CHMP4C: variants seen among roughly 807,000 people sequenced by gnomAD.
CHMP4C encodes SNF7 homolog associated with Alix 3.
Under a neutral mutation model 29.0 loss-of-function variants are expected in CHMP4C, and 28 were observed. The ratio of observed to expected loss-of-function variants is 0.97; its 90% CI spans 0.72 to 1.32. The LOEUF (loss-of-function observed/expected upper bound fraction) is 1.32, where lower values mean the gene tolerates loss of function less well. CHMP4C is among the 40% of genes most tolerant of loss of function. The pLI, the probability that CHMP4C is intolerant of heterozygous loss-of-function variation, is 0.00. For synonymous variants in CHMP4C, 106 were observed against 102.4 expected (o/e 1.04, Z -0.21); for missense variants, 291 against 281.0 (o/e 1.04, Z -0.25).
chr8:81,748,924 T>TTA lies in CHMP4C; in HGVS notation c.191-4140_191-4139insTA, dbSNP rs1554593109. On this transcript the variant is annotated intron_variant, in intron 1 of 4. Coordinates refer to ENST00000297265, the MANE Select transcript of CHMP4C (RefSeq NM_152284.4). ...CCTGGTGACAGAGTGAGACTCTGTG[T>TTA]AAAAAAAAAAAAAAAAAAAATGCAA... is the stretch of plus-strand genomic sequence containing the variant. 1.4e-4 allele frequency among the ~76,000 whole-genome samples: 17 copies of TTA among 120,310 alleles called. No individual in the cohort carries two copies. The Admixed American group carries it at 1.5e-3, about 10-fold the overall frequency. 78.9% of individuals were successfully genotyped at this position (120,310 alleles called of 152,430 possible). A position where few individuals can be genotyped will look rare whatever the true frequency, so the allele number is the denominator to read the frequency against.
At chr8:81,741,126 C>A (rs1250396296) in intron 1 of CHMP4C, among the ~76,000 whole-genome samples, 1 of 152,060 alleles carries the variant, frequency 6.6e-6, no homozygotes, top group African/African-American at 2.4e-5. Context: ...TCTAGAAGAG[C>A]AATTGCTACT....
At position 81,732,664 on chromosome 8, in the gene CHMP4C, C is replaced by A; in HGVS notation, c.38C>A (p.Ser13Tyr). The change falls in exon 1 of 5, where the codon TCT (serine) becomes TAT (tyrosine). Residue 13 changes from serine (S) to tyrosine (Y), a missense_variant. By Grantham distance (144) the Ser-to-Tyr change is moderately radical. Coordinates refer to ENST00000297265, the MANE Select transcript of CHMP4C (RefSeq NM_152284.4). ...KLGKFFKGGG[S>Y]SKSRAAPSPQ... ...GGCAAGTTCTTTAAAGGGGGCGGCT[C>A]TTCTAAGAGCCGAGCCGCTCCCAGT... is the stretch of plus-strand genomic sequence containing the variant. 5 of 1,566,444 alleles carry A rather than the reference C, an allele frequency of 3.2e-6. No individual in the cohort carries two copies. In the South Asian group the frequency reaches 5.9e-5, roughly 18 times the overall value.
At chr8:81,739,416 T>TGTG (rs1554592434) in intron 1 of CHMP4C, among the ~76,000 whole-genome samples, 2 of 16,142 alleles carry the variant, frequency 1.2e-4, no homozygotes, top group African/African-American at 8.8e-4. Context: ...CCTGGGGGAT[T>TGTG]GTGGGGGGGG....
At chr8:81,748,518 T>G (rs1808859028) in intron 1 of CHMP4C, among the ~76,000 whole-genome samples, 1 of 152,208 alleles carries the variant, frequency 6.6e-6, no homozygotes, top group African/African-American at 2.4e-5. Context: ...CCATAAAATC[T>G]TCACAATCCA....
Position 81,732,744 on chromosome 8 carries a change from C to T in CHMP4C, c.118C>T (p.Gln40Ter). 1 of 1,609,400 alleles carries T rather than the reference C, an allele frequency of 6.2e-7. No individual in the cohort carries two copies. The highest frequency in any genetic ancestry group is 1.3e-5 in the African/African-American group (1 of 75,012). The change falls in exon 1 of 5, where the codon CAA (glutamine) becomes TAA (stop). Residue 40 changes from glutamine (Q) to a stop codon, truncating the protein, a stop_gained. Coordinates refer to ENST00000297265, the MANE Select transcript of CHMP4C (RefSeq NM_152284.4). LOFTEE classifies it high-confidence loss of function. ...GACTGAGGAGATGCTGGGCAAGAAACAAGAGTACCTGGAAAATCGAATCCA... is the reference window on the plus strand; with the variant it reads ...GACTGAGGAGATGCTGGGCAAGAAATAAGAGTACCTGGAAAATCGAATCCA... ...RETEEMLGKK[Q>*]EYLENRIQRE...
intron 3 of CHMP4C, among the ~76,000 whole-genome samples, chr8:81,756,487 G>C (rs1441959348): frequency 1.3e-5 from 2 of 152,136 alleles, no homozygotes; most frequent in African/African-American, 2.4e-5. Context: ...GGCTTATGTG[G>C]ACATCTGGGC....
chr8:81,750,447 A>T (rs59027898), intron 1 of CHMP4C, among the ~76,000 whole-genome samples: 2,771 of 116,906 alleles, frequency 0.024, 79 homozygotes, highest in African/African-American at 0.07. Flanking sequence ...CAAAAAAATT[A>T]AAAAAAAAAA....
intron 1 of CHMP4C, among the ~76,000 whole-genome samples, chr8:81,748,885 C>G (rs111683632): frequency 0.055 from 8,224 of 149,540 alleles, 238 homozygotes; most frequent in Middle Eastern, 0.12. Context: ...CAAGATCGCG[C>G]CACTGCACTC....
At chr8:81,757,227 C>T (rs1808983408) in intron 3 of CHMP4C, among the ~76,000 whole-genome samples, 1 of 152,052 alleles carries the variant, frequency 6.6e-6, no homozygotes, top group Non-Finnish European at 1.5e-5. Context: ...CAAAATCTGC[C>T]CAGGAGTGAG....
chr8:81,739,521 T>G (rs1808737754), intron 1 of CHMP4C, among the ~76,000 whole-genome samples: 5 of 151,100 alleles, frequency 3.3e-5, no homozygotes, highest in Admixed American at 3.3e-4. Flanking sequence ...CTGGAAAAGA[T>G]AGATCAATGG....
At chr8:81,756,333 G>C (rs1208003711) in intron 3 of CHMP4C, among the ~76,000 whole-genome samples, 2 of 152,118 alleles carry the variant, frequency 1.3e-5, no homozygotes, top group Non-Finnish European at 2.9e-5. Flanking sequence ...TAACAACAAA[G>C]GAGACTATGG....
chr8:81,754,731 A>T (rs1808949048), intron 2 of CHMP4C, among the ~76,000 whole-genome samples: 1 of 152,134 alleles, frequency 6.6e-6, no homozygotes, highest in African/African-American at 2.4e-5. Flanking sequence ...GTGTTGGAAA[A>T]TGTCTTCAAA....
chr8:81,755,582 A>C, intron 3 of CHMP4C, 98 bp downstream of exon 3: 2 of 614,064 alleles, frequency 3.3e-6, no homozygotes, highest in South Asian at 2.5e-5. Context: ...CTGAAAGAAC[A>C]AGTGATATTT....
chr8:81,741,959 T>C (rs1450007662), intron 1 of CHMP4C, among the ~76,000 whole-genome samples: 1 of 152,192 alleles, frequency 6.6e-6, no homozygotes, highest in East Asian at 1.9e-4. Flanking sequence ...ATGCCACTCT[T>C]TGAATAATTG....
intron 3 of CHMP4C, among the ~76,000 whole-genome samples, chr8:81,756,990 C>T (rs73287611): frequency 0.011 from 1,707 of 152,146 alleles, 24 homozygotes; most frequent in African/African-American, 0.036. Flanking sequence ...TTTTATGAGG[C>T]GAATTTAATA....
chr8:81,739,246 G>A lies in CHMP4C; in HGVS notation c.190+6430G>A, dbSNP rs547973233. ...TGAGTAGCTGGGACTACAGGTGTGC[G>A]CCACCAAGCCCAGCTATTTTTTTTT... On this transcript the variant is annotated intron_variant, in intron 1 of 4. Coordinates refer to ENST00000297265, the MANE Select transcript of CHMP4C (RefSeq NM_152284.4). Among the ~76,000 whole-genome samples the A allele has an allele frequency of 1.2e-4, 18 of 151,164 alleles. No individual in the cohort carries two copies. In the South Asian group the frequency reaches 1.7e-3, roughly 14 times the overall value.
chr8:81,736,454 A>G, intron 1 of CHMP4C, among the ~76,000 whole-genome samples: 1 of 152,084 alleles, frequency 6.6e-6, no homozygotes, highest in East Asian at 1.9e-4. Flanking sequence ...GCCTGGCCTA[A>G]TTGGTGAAAT....
At chr8:81,750,876 A>G (rs1026338922) in intron 1 of CHMP4C, among the ~76,000 whole-genome samples, 22 of 152,130 alleles carry the variant, frequency 1.4e-4, no homozygotes, top group Non-Finnish European at 3.1e-4. Flanking sequence ...TGGAAAAAGC[A>G]AAAAACAAAA....
rs1457609522 is a variant in CHMP4C, at chr8:81,758,205, A to T, written c.547A>T (p.Ile183Phe). 1 of 1,613,906 alleles carries T rather than the reference A, an allele frequency of 6.2e-7. No homozygotes were observed. The highest frequency in any genetic ancestry group is 8.5e-7 in the Non-Finnish European group (1 of 1,179,884). The change falls in exon 4 of 5, where the codon ATC becomes TTC. Residue 183 changes from isoleucine (I) to phenylalanine (F), a missense_variant. Transcript: ENST00000297265. ...QEELNKKMTN[I>F]RLPNVPSSSL... is the part of the protein sequence containing the mutation. ...GGAATTAAATAAGAAGATGACAAATATCCGCCTTCCAAATGTGCCTTCCTC... is the reference window on the plus strand; with the variant it reads ...GGAATTAAATAAGAAGATGACAAATTTCCGCCTTCCAAATGTGCCTTCCTC...
Sources: gnomAD v4.1 joint callset for allele counts (sites outside exome capture counted in the v4.1 genomes callset) on GRCh38, gnomAD v4.1.1 for gene constraint, MANE v1.5 for transcripts, NCBI Gene and HGNC (gene_info 2026-07-23, HGNC 2026-07-21) for gene names.